The following PPP2R5C variants were observed in gnomAD, a reference collection of about 807,000 sequenced individuals.
PPP2R5C encodes serine/threonine-protein phosphatase 2A 56 kDa regulatory subunit gamma isoform.
Under a neutral mutation model 68.9 loss-of-function variants are expected in PPP2R5C, and 7 were observed. The ratio of observed to expected loss-of-function variants is 0.10; its 90% CI spans 0.06 to 0.19. The LOEUF is 0.19. Ranked by LOEUF, PPP2R5C falls within the 10% of genes least tolerant of loss-of-function variation. The pLI is 1.00. For missense variants in PPP2R5C, 348 were observed against 641.3 expected, an observed-to-expected ratio of 0.54 and a Z score of 4.94; for synonymous variants, 210 against 222.2, an observed-to-expected ratio of 0.95 and a Z score of 0.49.
chr14:101,800,830 C>T (rs2038833801), intron 3 of PPP2R5C, among the ~76,000 whole-genome samples: 1 of 152,156 alleles, frequency 6.6e-6, no homozygotes, highest in Non-Finnish European at 1.5e-5. Flanking sequence ...AAGTGTCAAT[C>T]AGTGGATGAA....
At chr14:101,816,240 C>T (rs1204217117) in intron 1 of PPP2R5C, among the ~76,000 whole-genome samples, 8 of 152,152 alleles carry the variant, frequency 5.3e-5, no homozygotes, top group Admixed American at 5.2e-4. Flanking sequence ...CTAGGCCTTG[C>T]TCAGGCGCTG....
chr14:101,860,079 A>G (rs1250719799), intron 2 of PPP2R5C, among the ~76,000 whole-genome samples: 1 of 152,122 alleles, frequency 6.6e-6, no homozygotes, highest in African/African-American at 2.4e-5. Flanking sequence ...AAAGTGTATG[A>G]GTCAGTGATT....
chr14:101,875,516 C>A (rs1337961210), intron 2 of PPP2R5C, among the ~76,000 whole-genome samples: 1 of 152,138 alleles, frequency 6.6e-6, no homozygotes. Flanking sequence ...GTGACTGATG[C>A]GTGCTTTTCC....
Position 101,825,211 on chromosome 14 carries a change from C to CGTGTGTGTGTGTGTGTGTGT in PPP2R5C, c.94+15194_94+15213dup, listed in dbSNP as rs10588262. Among the ~76,000 whole-genome samples, 4 of 143,004 alleles carry CGTGTGTGTGTGTGTGTGTGT rather than the reference C, an allele frequency of 2.8e-5. No individual in the cohort carries two copies. The highest frequency in any genetic ancestry group is 2.1e-4 in the East Asian group (1 of 4,830). The allele number at this position is 143,004 out of a possible 152,430, so 93.8% of individuals were successfully genotyped here. On this transcript the variant is annotated intron_variant, in intron 1 of 13. Coordinates refer to ENST00000334743, the Ensembl canonical transcript of PPP2R5C. The surrounding 1 kb of genome is among the most constrained non-coding windows in gnomAD (Gnocchi z 4.0). ...AGGGATAGGATAAGAGGGTTTTCAG[C>CGTGTGTGTGTGTGTGTGTGT]GTGTGTGTGTGTGTGTGTGTGTGTG...
At position 101,779,606 on chromosome 14, in the gene PPP2R5C, T is replaced by C. The variant is rs543889623; in HGVS notation, c.94-6412T>C. 2.0e-5 allele frequency among the ~76,000 whole-genome samples: 3 copies of C among 151,874 alleles called. No individual in the cohort carries two copies. The South Asian group carries it at 6.2e-4, about 32-fold the overall frequency. ...TCCTGAAATAAAGGAGAGACTCATCTCTCCCATACATTGAGAGATGAGTCC... is the reference window on the plus strand; with the variant it reads ...TCCTGAAATAAAGGAGAGACTCATCCCTCCCATACATTGAGAGATGAGTCC... On this transcript the variant is annotated intron_variant, in intron 2 of 14. Coordinates refer to the PPP2R5C transcript ENST00000328724.
At position 101,762,758 on chromosome 14, in the gene PPP2R5C, G is replaced by A. The variant is rs979114643; in HGVS notation, c.28-147G>A. ...CATTGCACTGTTGGAATCCTAAACG[G>A]TATGATATAGAATTTCCTAATGGTA... On this transcript the variant is annotated intron_variant, in intron 1 of 14. Coordinates refer to the PPP2R5C transcript ENST00000328724. 5 of 691,944 alleles carry A rather than the reference G, an allele frequency of 7.2e-6. No individual in the cohort carries two copies. In the East Asian group the frequency reaches 8.1e-5, roughly 11 times the overall value. The allele number at this position is 691,944 out of a possible 1,614,324, so 42.9% of individuals were successfully genotyped here. A position where few individuals can be genotyped will look rare whatever the true frequency, so the allele number is the denominator to read the frequency against.
rs1164188724 is a variant in PPP2R5C at position 101,909,708 on chromosome 14, CAAG to C, written c.1253+19_1253+21del. The C allele has an allele frequency of 2.6e-6, 4 of 1,529,854 alleles. No homozygotes were observed. Among genetic ancestry groups the C allele is most frequent in the Non-Finnish European group, 3.6e-6 (4 of 1,109,144 alleles). 94.8% of individuals were successfully genotyped at this position (1,529,854 alleles called of 1,614,324 possible). On this transcript the variant is annotated intron_variant, in intron 11 of 13. Coordinates refer to ENST00000334743, the Ensembl canonical transcript of PPP2R5C. The stretch of plus-strand genomic sequence containing the variant: ...AAACTAAAGTGAGTTGTTCCTTTCA[CAAG>C]TTACTGTTTCCAGGATTTTTTTCTT...
Position 101,816,911 on chromosome 14 carries a change from A to AT in PPP2R5C, c.94+6876dup, listed in dbSNP as rs2039740089. Among the ~76,000 whole-genome samples the AT allele has an allele frequency of 2.1e-5, 3 of 140,126 alleles. No homozygotes were observed. The South Asian group carries it at 6.6e-4, about 31-fold the overall frequency. The allele number at this position is 140,126 out of a possible 152,430, so 91.9% of individuals were successfully genotyped here. On this transcript the variant is annotated intron_variant, in intron 1 of 13. Coordinates refer to ENST00000334743, the Ensembl canonical transcript of PPP2R5C. The stretch of plus-strand genomic sequence containing the variant: ...TATATATTATATAAATATATATATA[A>AT]TATATATATTTATATAATATATATA...
At chr14:101,763,597 G>A (rs925197284) in intron 2 of PPP2R5C, among the ~76,000 whole-genome samples, 3 of 152,056 alleles carry the variant, frequency 2.0e-5, no homozygotes, top group Admixed American at 6.6e-5. Context: ...TGGTCAGGCC[G>A]GTCTTGAACT....
At chr14:101,813,104 G>T (rs1398377213) in intron 1 of PPP2R5C, among the ~76,000 whole-genome samples, 1 of 152,164 alleles carries the variant, frequency 6.6e-6, no homozygotes, top group Non-Finnish European at 1.5e-5. Context: ...AATGTTCTGT[G>T]CTGTCCTCTG....
intron 13 of PPP2R5C, chr14:101,922,111 T>C (rs1438807050): frequency 4.1e-6 from 4 of 985,296 alleles, no homozygotes; most frequent in Non-Finnish European, 4.8e-6. Flanking sequence ...AGGAGAAGAA[T>C]TGACGAGTTA....
At chr14:101,908,290 T>G (rs1595530342) in intron 10 of PPP2R5C, among the ~76,000 whole-genome samples, 1 of 152,370 alleles carries the variant, frequency 6.6e-6, no homozygotes, top group Admixed American at 6.5e-5. Context: ...GCCAAGACCC[T>G]CATGGCAATA....
At chr14:101,805,754 A>G (rs2039049446), upstream of PPP2R5C, among the ~76,000 whole-genome samples, 1 of 152,250 alleles carries the variant, frequency 6.6e-6, no homozygotes, top group Admixed American at 6.5e-5. Context: ...ACTTGCTACA[A>G]CATGGATGAA....
At position 101,831,618 on chromosome 14, in the gene PPP2R5C, A is replaced by G. The variant is rs117123025; in HGVS notation, c.94+21582A>G. 2,831 of 605,784 alleles carry G rather than the reference A, an allele frequency of 4.7e-3. 12 individuals carry two copies. The highest frequency in any genetic ancestry group is 7.3e-3 in the South Asian group (381 of 52,218). 37.5% of individuals were successfully genotyped at this position (605,784 alleles called of 1,614,324 possible). ...CATAGTACATTCCTTAAATAAGTAC[A>G]AGAATTACAGTTGACCCTTGAACGT... On this transcript the variant is annotated intron_variant, in intron 1 of 13. Transcript: ENST00000334743.
intron 2 of PPP2R5C, among the ~76,000 whole-genome samples, chr14:101,859,508 C>G (rs1378051898): frequency 6.6e-6 from 1 of 152,196 alleles, no homozygotes; most frequent in Non-Finnish European, 1.5e-5. Context: ...TTTCCCTACC[C>G]CTTGTTTGTC....
At chr14:101,843,788 A>AG in intron 1 of PPP2R5C, 1 of 227,704 alleles carries the variant, frequency 4.4e-6, no homozygotes. Flanking sequence ...TGCCACCTCC[A>AG]GGGGGAGATC....
At chr14:101,824,078 C>G in intron 1 of PPP2R5C, 5 of 1,289,176 alleles carry the variant, frequency 3.9e-6, no homozygotes, top group Non-Finnish European at 4.0e-6. Context: ...GACTCCAGGA[C>G]TGACTTTCCA....
At chr14:101,901,985 C>A in intron 9 of PPP2R5C, 96 bp downstream of exon 11, 1 of 1,388,722 alleles carries the variant, frequency 7.2e-7, no homozygotes, top group Non-Finnish European at 9.9e-7. Context: ...GCCTCTCATG[C>A]AATTTAAAGG....
At chr14:101,801,802 C>T (rs559094275) in intron 3 of PPP2R5C, among the ~76,000 whole-genome samples, 1 of 152,334 alleles carries the variant, frequency 6.6e-6, no homozygotes, top group East Asian at 1.9e-4. Context: ...CCTATTAAAA[C>T]TTTTACAGCA....
Sources: allele counts gnomAD v4.1 joint callset (sites outside exome capture counted in the v4.1 genomes callset), GRCh38; gene constraint gnomAD v4.1.1; non-coding constraint Gnocchi (gnomAD v3.1); transcripts MANE v1.5; gene names NCBI Gene and HGNC (gene_info 2026-07-23, HGNC 2026-07-21).